ZSWIM1: variants seen among roughly 807,000 people sequenced by gnomAD.
ZSWIM1 encodes zinc finger SWIM domain-containing protein 1.
Under a neutral mutation model 29.3 loss-of-function variants are expected in ZSWIM1, and 22 were observed. The observed-to-expected ratio is 0.75, with a 90% confidence interval of 0.54 to 1.07. The LOEUF (loss-of-function observed/expected upper bound fraction) is 1.07. ZSWIM1 is among the 50% of genes least tolerant of loss of function. The pLI is 0.00. For missense variants in ZSWIM1, 511 were observed against 596.2 expected, an observed-to-expected ratio of 0.86 and a Z score of 1.49; for synonymous variants, 228 against 240.8, an observed-to-expected ratio of 0.95 and a Z score of 0.49.
In ZSWIM1 at chr20:45,883,487, G is replaced by A; in HGVS notation, c.895G>A (p.Gly299Ser). 3 of 1,614,150 alleles carry A rather than the reference G, an allele frequency of 1.9e-6. No homozygotes were observed. Among genetic ancestry groups the A allele is most frequent in the Non-Finnish European group, 2.5e-6 (3 of 1,180,034 alleles). ...TGCAGACAAGGCAAACTTCAACCAG[G>A]GCCTGTGTGCCCAGAACAATCATGC... Reference protein sequence around the residue: ...NSADKANFNQGLCAQNNHAPS... With the variant: ...NSADKANFNQSLCAQNNHAPS... Residue 299 changes from glycine to serine, a missense_variant, in exon 2 of 2, where the codon GGC becomes AGC. Gly to Ser is a moderately conservative substitution (Grantham distance 56). Coordinates refer to ENST00000372523, the MANE Select transcript of ZSWIM1 (RefSeq NM_080603.5).
In ZSWIM1 at chr20:45,884,362, T is replaced by C. The variant is rs901281212; in HGVS notation, c.*312T>C. On this transcript the variant is annotated 3_prime_UTR_variant, in exon 2 of 2. Transcript: ENST00000372523. ...TTTGTTTTAATATTTTTTTTCTTTT[T>C]TTTTTTTTTTTTTTTTTTGAGAAGG... The C allele has an allele frequency of 9.3e-5, 10 of 107,814 alleles. No individual in the cohort carries two copies. The highest frequency in any genetic ancestry group is 2.6e-4 in the Admixed American group (2 of 7,840). 6.7% of individuals were successfully genotyped at this position (107,814 alleles called of 1,614,324 possible).
At chr20:45,881,832 A>G (rs1191527392) in intron 1 of ZSWIM1, among the ~76,000 whole-genome samples, 1 of 152,204 alleles carries the variant, frequency 6.6e-6, no homozygotes, top group African/African-American at 2.4e-5. Context: ...ATTTATAAAT[A>G]TAAAATCGTA....
Position 45,882,603 on chromosome 20 carries a change from G to C in ZSWIM1, c.11G>C (p.Arg4Thr). 1 of 1,612,610 alleles carries C rather than the reference G, an allele frequency of 6.2e-7. No individual in the cohort carries two copies. Residue 4 changes from arginine to threonine, a missense_variant, in exon 2 of 2, where the codon AGA becomes ACA. Transcript: ENST00000372523. Reference sequence around the variant, plus strand: ...GCCTCAACTTACTTGATGCTTGAGAGACTCAAAGCCCCGTGGTCAGCTGCC... The same window carrying C: ...GCCTCAACTTACTTGATGCTTGAGACACTCAAAGCCCCGTGGTCAGCTGCC... MLE[R>T]LKAPWSAALQ...
At chr20:45,881,447 G>T (rs1226192205) in intron 1 of ZSWIM1, among the ~76,000 whole-genome samples, 186 bp downstream of exon 1, 1 of 152,214 alleles carries the variant, frequency 6.6e-6, no homozygotes, top group Non-Finnish European at 1.5e-5. Flanking sequence ...TATTCCCTCT[G>T]TTGGTTTTTG....
At position 45,882,416 on chromosome 20, in the gene ZSWIM1, T is replaced by C. The variant is rs549549781; in HGVS notation, c.-60-117T>C. The stretch of plus-strand genomic sequence containing the variant: ...TGCTTATTTGTTTACATGTTTATTG[T>C]GTATCTTCCCCTAGAACAGTGCTGA... On this transcript the variant is annotated intron_variant, in intron 1 of 1. Coordinates refer to ENST00000372523, the MANE Select transcript of ZSWIM1 (RefSeq NM_080603.5). The C allele has an allele frequency of 8.7e-6, 6 of 689,272 alleles. No individual in the cohort carries two copies. In the South Asian group the frequency reaches 1.0e-4, roughly 12 times the overall value. The allele number at this position is 689,272 out of a possible 1,614,324, so 42.7% of individuals were successfully genotyped here.
chr20:45,883,372 C>A lies in ZSWIM1; in HGVS notation c.780C>A (p.Val260=). Residue 260 remains valine, a synonymous_variant, in exon 2 of 2, where the codon GTC becomes GTA. Coordinates refer to ENST00000372523, the MANE Select transcript of ZSWIM1 (RefSeq NM_080603.5). ...ESSHYFQSLE[V]TTHILSQFFG... ...GCCACTACTTCCAGAGCCTCGAGGT[C>A]ACCACCCACATCCTCAGCCAGTTCT... The A allele has an allele frequency of 6.2e-7, 1 of 1,614,242 alleles. No individual in the cohort carries two copies. The highest frequency in any genetic ancestry group is 1.7e-5 in the Admixed American group (1 of 60,026).
rs1379816460 is a variant in ZSWIM1 at position 45,883,059 on chromosome 20, T to A, written c.467T>A (p.Ile156Asn). The A allele has an allele frequency of 6.2e-7, 1 of 1,614,028 alleles. No homozygotes were observed. Among genetic ancestry groups the A allele is most frequent in the East Asian group, 2.2e-5 (1 of 44,892 alleles). ...GATCCTCATTTCCTTCCACTGCCTA[T>A]CCTAGCTATGGAGTTCCCCACAGCT... ...LVDPHFLPLP[I>N]LAMEFPTAEV... is the part of the protein sequence containing the mutation. Residue 156 changes from isoleucine to asparagine, a missense_variant, in exon 2 of 2, where the codon ATC becomes AAC. Physicochemically the swap from Ile to Asn is moderately radical, Grantham distance 149. Coordinates refer to ENST00000372523, the MANE Select transcript of ZSWIM1 (RefSeq NM_080603.5).
intron 1 of ZSWIM1, among the ~76,000 whole-genome samples, chr20:45,881,737 G>A (rs1986269367): frequency 1.3e-5 from 2 of 152,180 alleles, no homozygotes; most frequent in Non-Finnish European, 2.9e-5. Flanking sequence ...TCATTGACTT[G>A]CCCAAGATAA....
chr20:45,881,410 A>C (rs1986257300), intron 1 of ZSWIM1, 149 bp downstream of exon 1: 1 of 152,202 alleles, frequency 6.6e-6, no homozygotes, highest in Non-Finnish European at 1.5e-5. Context: ...TCTCCCACCC[A>C]GGTTAGAGGT....
rs150312325 is a variant in ZSWIM1 at position 45,881,621 on chromosome 20, TG to T, written c.-61+362del. On this transcript the variant is annotated intron_variant, in intron 1 of 1. Transcript: ENST00000372523. Reference sequence around the variant, plus strand: ...GTCTGGGGCCAAATAGAGGAAACAATGGAATAGAGTATTGCTGCTAAAAGAG... The same window carrying T: ...GTCTGGGGCCAAATAGAGGAAACAATGAATAGAGTATTGCTGCTAAAAGAG... Among the ~76,000 whole-genome samples, 1,450 of 152,182 alleles carry T rather than the reference TG, an allele frequency of 9.5e-3. 14 individuals are homozygous for T. The highest frequency in any genetic ancestry group is 0.021 in the East Asian group (109 of 5,174).
At position 45,883,894 on chromosome 20, in the gene ZSWIM1, TG is replaced by T; in HGVS notation, c.1303del (p.Glu435ArgfsTer9). 1.9e-6 allele frequency: 3 copies of T among 1,613,360 alleles called. No individual in the cohort carries two copies. The highest frequency in any genetic ancestry group is 2.5e-6 in the Non-Finnish European group (3 of 1,179,846). ...LDSILGSKWS[E>X]TLDKHLAVTH... ...ACAGCATCCTGGGCAGCAAGTGGAG[TG>T]AGACCCTGGATAAGCACCTGGCAGT... is the stretch of plus-strand genomic sequence containing the variant. On this transcript the variant is annotated frameshift_variant, in exon 2 of 2. Transcript: ENST00000372523. LOFTEE classifies it high-confidence loss of function.
Position 45,882,815 on chromosome 20 carries a change from T to C in ZSWIM1, c.223T>C (p.Phe75Leu), listed in dbSNP as rs1306290975. 1 of 1,614,242 alleles carries C rather than the reference T, an allele frequency of 6.2e-7. No individual in the cohort carries two copies. Among genetic ancestry groups the C allele is most frequent in the Admixed American group, 1.7e-5 (1 of 60,024 alleles). ...CTTTATGCAAAGTGTCTTTGACCAT[T>C]TCCCTGAGATCTTATTTATCCACCG... is the stretch of plus-strand genomic sequence containing the variant. The part of the protein sequence containing the change: ...SCFMQSVFDH[F>L]PEILFIHRTY... The change falls in exon 2 of 2, where the codon TTC becomes CTC. Residue 75 changes from phenylalanine to leucine, a missense_variant. Transcript: ENST00000372523.
Position 45,884,102 on chromosome 20 carries a change from CCATA to C in ZSWIM1, c.*55_*58del, listed in dbSNP as rs1568754503. ...TGCACCTGTGCACACTCACATCCACCCATACACACACACACACACACACACACAC... is the reference window on the plus strand; with the variant it reads ...TGCACCTGTGCACACTCACATCCACCCACACACACACACACACACACACAC... On this transcript the variant is annotated 3_prime_UTR_variant, in exon 2 of 2. Coordinates refer to ENST00000372523, the MANE Select transcript of ZSWIM1 (RefSeq NM_080603.5). 7 of 1,274,392 alleles carry C rather than the reference CCATA, an allele frequency of 5.5e-6. No homozygotes were observed. Among genetic ancestry groups the C allele is most frequent in the South Asian group, 1.3e-5 (1 of 74,976 alleles). The allele number at this position is 1,274,392 out of a possible 1,614,324, so 78.9% of individuals were successfully genotyped here. A position where few individuals can be genotyped will look rare whatever the true frequency, so the allele number is the denominator to read the frequency against.
At position 45,883,309 on chromosome 20, in the gene ZSWIM1, C is replaced by G. The variant is rs756921736; in HGVS notation, c.717C>G (p.Ile239Met). 2 of 1,614,122 alleles carry G rather than the reference C, an allele frequency of 1.2e-6. No individual in the cohort carries two copies. The highest frequency in any genetic ancestry group is 8.5e-7 in the Non-Finnish European group (1 of 1,180,052). The change falls in exon 2 of 2, where the codon ATC (isoleucine) becomes ATG (methionine). Residue 239 changes from isoleucine (I) to methionine (M), a missense_variant. Ile to Met is a conservative substitution (Grantham distance 10). Coordinates refer to ENST00000372523, the MANE Select transcript of ZSWIM1 (RefSeq NM_080603.5). ...LHSHWLLNDRIWLAHRWRSRA... is the reference protein window; with the variant it reads ...LHSHWLLNDRMWLAHRWRSRA... ...CACACTGGCTGCTCAACGACCGCAT[C>G]TGGCTGGCTCACCGCTGGAGAAGCC...
intron 1 of ZSWIM1, 111 bp from the exon 2 acceptor site, chr20:45,882,421 CT>C: frequency 1.4e-6 from 1 of 710,644 alleles, no homozygotes; most frequent in Non-Finnish European, 2.3e-6. Context: ...TATTGTGTAT[CT>C]TCCCCTAGAA....
chr20:45,883,096 C>T lies in ZSWIM1; in HGVS notation c.504C>T (p.Leu168=). 1.2e-6 allele frequency: 2 copies of T among 1,614,218 alleles called. No individual in the cohort carries two copies. Among genetic ancestry groups the T allele is most frequent in the Non-Finnish European group, 8.5e-7 (1 of 1,180,030 alleles). ...AGTTCCCCACAGCTGAGGTCCTTCT[C>T]TCAGCCTTCCACATTTGTAAGTTCC... is the stretch of plus-strand genomic sequence containing the variant. The part of the protein sequence containing the change: ...AMEFPTAEVL[L]SAFHICKFLQ... Residue 168 remains leucine, a synonymous_variant, in exon 2 of 2, where the codon CTC becomes CTT. Coordinates refer to ENST00000372523, the MANE Select transcript of ZSWIM1 (RefSeq NM_080603.5).
At position 45,883,909 on chromosome 20, in the gene ZSWIM1, G is replaced by A; in HGVS notation, c.1317G>A (p.Lys439=). ...GCAAGTGGAGTGAGACCCTGGATAA[G>A]CACCTGGCAGTGACTCACCTCACCG... The part of the protein sequence containing the change: ...LGSKWSETLD[K]HLAVTHLTEE... The change falls in exon 2 of 2, where the codon AAG becomes AAA. Residue 439 remains lysine (K), a synonymous_variant. Coordinates refer to ENST00000372523, the MANE Select transcript of ZSWIM1 (RefSeq NM_080603.5). 2 of 1,614,140 alleles carry A rather than the reference G, an allele frequency of 1.2e-6. No individual in the cohort carries two copies. Among genetic ancestry groups the A allele is most frequent in the Non-Finnish European group, 1.7e-6 (2 of 1,180,048 alleles).
At chr20:45,882,205 C>A (rs1356217659) in intron 1 of ZSWIM1, among the ~76,000 whole-genome samples, 3 of 152,158 alleles carry the variant, frequency 2.0e-5, no homozygotes, top group Admixed American at 6.6e-5. Flanking sequence ...CTATTTAAAT[C>A]CCCTGGAACC....
In ZSWIM1 at chr20:45,883,574, C is replaced by T. The variant is rs1415819956; in HGVS notation, c.982C>T (p.His328Tyr). Residue 328 changes from histidine to tyrosine, a missense_variant, in exon 2 of 2, where the codon CAC becomes TAC. By Grantham distance (83) the His-to-Tyr change is moderately conservative (BLOSUM62 2). Coordinates refer to ENST00000372523, the MANE Select transcript of ZSWIM1 (RefSeq NM_080603.5). Reference sequence around the variant, plus strand: ...GCAGCTGGTAGAATCCCACATCCAGCACTCCCTCAATGCCATCTGCACAGG... The same window carrying T: ...GCAGCTGGTAGAATCCCACATCCAGTACTCCCTCAATGCCATCTGCACAGG... The part of the protein sequence containing the change: ...LEQLVESHIQ[H>Y]SLNAICTGPA... The T allele has an allele frequency of 3.1e-6, 5 of 1,614,146 alleles. No homozygotes were observed. Among genetic ancestry groups the T allele is most frequent in the Admixed American group, 3.3e-5 (2 of 60,006 alleles).
Sources: gnomAD v4.1 joint callset for allele counts (sites outside exome capture counted in the v4.1 genomes callset) on GRCh38, gnomAD v4.1.1 for gene constraint, MANE v1.5 for transcripts, NCBI Gene and HGNC (gene_info 2026-07-23, HGNC 2026-07-21) for gene names.